The following CHP1 variants were observed in gnomAD, a reference collection of about 807,000 sequenced individuals.
CHP1 encodes the protein calcineurin like EF-hand protein 1, also known as calcineurin B homologous protein 1.
Under a neutral mutation model 27.4 loss-of-function variants are expected in CHP1, and 11 were observed. The ratio of observed to expected loss-of-function variants is 0.40; its 90% CI spans 0.25 to 0.67. CHP1 has a LOEUF of 0.67. Among genes scored for constraint, CHP1 ranks in the 30% least tolerant of loss-of-function variants. The pLI, the probability that CHP1 is intolerant of heterozygous loss-of-function variation, is 0.38. For synonymous variants in CHP1, 89 were observed against 87.4 expected, an observed-to-expected ratio of 1.02 and a Z score of -0.10; for missense variants, 169 against 251.3, an observed-to-expected ratio of 0.67 and a Z score of 2.22.
intron 1 of CHP1, among the ~76,000 whole-genome samples, chr15:41,237,608 C>T (rs182814394): frequency 9.5e-4 from 144 of 152,270 alleles, no homozygotes; most frequent in Non-Finnish European, 1.7e-3. Flanking sequence ...TTCCGGGAAG[C>T]GCAGGCTTCA....
chr15:41,244,156 C>A (rs930406179), intron 2 of CHP1, among the ~76,000 whole-genome samples: 1 of 150,670 alleles, frequency 6.6e-6, no homozygotes, highest in African/African-American at 2.4e-5. Context: ...AAAGATCACG[C>A]CACTGCACTC....
At position 41,262,038 on chromosome 15, in the gene CHP1, G is replaced by A. The variant is rs181120255; in HGVS notation, c.222-718G>A. ...CAAAAAATTAGCCGGGCATGGTGGCGGGCGTCTGTAGTTCCAGCTAGTCAG... is the reference window on the plus strand; with the variant it reads ...CAAAAAATTAGCCGGGCATGGTGGCAGGCGTCTGTAGTTCCAGCTAGTCAG... On this transcript the variant is annotated intron_variant, in intron 3 of 6. Coordinates refer to ENST00000334660, the MANE Select transcript of CHP1 (RefSeq NM_007236.5). Among the ~76,000 whole-genome samples, 45 of 151,312 alleles carry A rather than the reference G, an allele frequency of 3.0e-4. No individual in the cohort carries two copies. The South Asian group carries it at 3.1e-3, about 11-fold the overall frequency.
At chr15:41,250,275 A>G (rs2047358773) in intron 2 of CHP1, among the ~76,000 whole-genome samples, 1 of 152,134 alleles carries the variant, frequency 6.6e-6, no homozygotes, top group South Asian at 2.1e-4. Flanking sequence ...GCCTTTTTAC[A>G]TGGACCATCT....
chr15:41,244,070 C>T (rs1031433561), intron 2 of CHP1, among the ~76,000 whole-genome samples: 2 of 151,660 alleles, frequency 1.3e-5, no homozygotes, highest in Non-Finnish European at 2.9e-5. Flanking sequence ...TGGTGGTAGG[C>T]GCCTGTAATC....
chr15:41,231,944 C>T (rs1483117568), intron 1 of CHP1, among the ~76,000 whole-genome samples: 2 of 151,996 alleles, frequency 1.3e-5, no homozygotes, highest in Non-Finnish European at 2.9e-5. Flanking sequence ...AAAGCAAGAC[C>T]GTGTAGTAAG....
intron 1 of CHP1, 71 bp downstream of exon 1, chr15:41,231,520 A>G: frequency 6.8e-7 from 1 of 1,469,284 alleles, no homozygotes; most frequent in Non-Finnish European, 9.3e-7. Flanking sequence ...GGCTGTCGCT[A>G]AGGTCTGGAG....
chr15:41,267,569 G>A (rs920161913), intron 4 of CHP1, among the ~76,000 whole-genome samples: 13 of 151,918 alleles, frequency 8.6e-5, no homozygotes, highest in Non-Finnish European at 1.8e-4. Flanking sequence ...GGCTGAGACA[G>A]GAAAATTGCT....
chr15:41,279,117 A>G (rs1017221934), intron 6 of CHP1, among the ~76,000 whole-genome samples: 7 of 151,918 alleles, frequency 4.6e-5, no homozygotes, highest in Admixed American at 2.6e-4. Flanking sequence ...AGGCTGAGGC[A>G]GGAGAATCGC....
intron 3 of CHP1, among the ~76,000 whole-genome samples, chr15:41,261,647 A>T (rs2047433423): frequency 6.6e-6 from 1 of 151,092 alleles, no homozygotes; most frequent in Admixed American, 6.6e-5. Flanking sequence ...TCATGAGGTC[A>T]GGAGATTGAG....
chr15:41,252,779 A>G (rs1010747443), intron 2 of CHP1, among the ~76,000 whole-genome samples: 2 of 152,102 alleles, frequency 1.3e-5, no homozygotes, highest in South Asian at 4.1e-4. Context: ...GCCATCGTAC[A>G]TGGCTCTGTT....
At chr15:41,253,656 G>T (rs548650709) in intron 2 of CHP1, among the ~76,000 whole-genome samples, 1 of 151,064 alleles carries the variant, frequency 6.6e-6, no homozygotes, top group South Asian at 2.1e-4. Context: ...GGGTTTCACC[G>T]TGTTAGCCAG....
At chr15:41,265,191 A>G (rs560192649) in intron 4 of CHP1, among the ~76,000 whole-genome samples, 2 of 150,760 alleles carry the variant, frequency 1.3e-5, no homozygotes, top group South Asian at 2.1e-4. Flanking sequence ...GTGAAACCCC[A>G]TTTCTACAAA....
Position 41,258,319 on chromosome 15 carries a change from C to T in CHP1, c.221+1329C>T, listed in dbSNP as rs568891034. On this transcript the variant is annotated intron_variant, in intron 3 of 6. Transcript: ENST00000334660. The stretch of plus-strand genomic sequence containing the variant: ...ATATCCATAGTATAGTTATCTACTT[C>T]AGTAAACTTAACATTGATACAATCC... 3.3e-5 allele frequency among the ~76,000 whole-genome samples: 5 copies of T among 152,282 alleles called. No individual in the cohort carries two copies. In the South Asian group the frequency reaches 1.0e-3, roughly 32 times the overall value.
At chr15:41,256,123 T>C (rs1376630916) in intron 2 of CHP1, among the ~76,000 whole-genome samples, 1 of 152,234 alleles carries the variant, frequency 6.6e-6, no homozygotes, top group African/African-American at 2.4e-5. Context: ...AGGAGTAGTG[T>C]GGCTTTGGGC....
intron 1 of CHP1, 42 bp downstream of exon 1, chr15:41,231,491 TG>T (rs1957748303): frequency 6.4e-7 from 1 of 1,567,734 alleles, no homozygotes; most frequent in Non-Finnish European, 8.7e-7. Context: ...CGCCTCAGGC[TG>T]GCCTCACAAC....
At chr15:41,231,803 G>T (rs1379090362) in intron 1 of CHP1, among the ~76,000 whole-genome samples, 4 of 152,104 alleles carry the variant, frequency 2.6e-5, no homozygotes. Flanking sequence ...AGTAGGTAAA[G>T]CCCGAGAAGC....
intron 3 of CHP1, among the ~76,000 whole-genome samples, chr15:41,260,347 CAAGCTTAAG>C (rs2047426348): frequency 6.6e-6 from 1 of 151,486 alleles, no homozygotes; most frequent in African/African-American, 2.4e-5. Context: ...AGATTTTCTC[CAAGCTTAAG>C]TACCAAAAAG....
intron 1 of CHP1, among the ~76,000 whole-genome samples, chr15:41,235,199 A>G (rs1384328196): frequency 1.3e-5 from 2 of 152,116 alleles, no homozygotes; most frequent in Non-Finnish European, 2.9e-5. Flanking sequence ...ACTTAATTGT[A>G]GCAATAAGCT....
intron 2 of CHP1, among the ~76,000 whole-genome samples, chr15:41,247,477 C>T (rs1206341812): frequency 6.7e-6 from 1 of 149,754 alleles, no homozygotes; most frequent in East Asian, 2.0e-4. Flanking sequence ...CGAGACCAGG[C>T]TGGCCAACAT....
Sources: allele counts gnomAD v4.1 joint callset (sites outside exome capture counted in the v4.1 genomes callset), GRCh38; gene constraint gnomAD v4.1.1; transcripts MANE v1.5; gene names NCBI Gene and HGNC (gene_info 2026-07-23, HGNC 2026-07-21).